The following ZBTB16 variants were observed in gnomAD, a reference collection of about 807,000 sequenced individuals.
ZBTB16 encodes the protein zinc finger and BTB domain containing 16.
In ZBTB16, 8 loss-of-function variants were observed where a neutral mutation model predicts 56.8. That is an observed-to-expected ratio of 0.14 (90% CI 0.08 to 0.25). The LOEUF (loss-of-function observed/expected upper bound fraction) is 0.25. Among genes scored for constraint, ZBTB16 ranks in the 10% least tolerant of loss-of-function variants. The pLI is 1.00. For missense variants in ZBTB16, 625 were observed against 903.0 expected, an observed-to-expected ratio of 0.69 and a Z score of 3.95; for synonymous variants, 363 against 368.5, an observed-to-expected ratio of 0.98 and a Z score of 0.17.
Position 114,254,231 on chromosome 11 carries a change from G to A in ZBTB16, c.*3676G>A, listed in dbSNP as rs1234577516. Among the ~76,000 whole-genome samples the A allele has an allele frequency of 1.3e-5, 2 of 151,920 alleles. No homozygotes were observed. The highest frequency in any genetic ancestry group is 2.9e-5 in the Non-Finnish European group (2 of 67,998). On this transcript the variant is annotated 3_prime_UTR_variant, in exon 7 of 7. Transcript: ENST00000335953. Reference sequence around the variant, plus strand: ...TTGATATAAAATAGTAAATATCATTGCTGCTTTGGGCTGCTTTGGAGGAGG... The same window carrying A: ...TTGATATAAAATAGTAAATATCATTACTGCTTTGGGCTGCTTTGGAGGAGG...
intron 2 of ZBTB16, among the ~76,000 whole-genome samples, chr11:114,078,172 A>C (rs138776144): frequency 1.0e-3 from 154 of 152,280 alleles, no homozygotes; most frequent in African/African-American, 3.4e-3. Flanking sequence ...GCCCTCACCT[A>C]CTTTTCTCCT....
intron 2 of ZBTB16, among the ~76,000 whole-genome samples, chr11:114,126,795 C>T (rs2137816684): frequency 6.6e-6 from 1 of 152,266 alleles, no homozygotes; most frequent in South Asian, 2.1e-4. Flanking sequence ...CACTCATGGC[C>T]TGAGGACCCA....
intron 2 of ZBTB16, among the ~76,000 whole-genome samples, chr11:114,116,638 T>C (rs560278334): frequency 3.9e-5 from 6 of 152,286 alleles, no homozygotes; most frequent in African/African-American, 1.2e-4. Flanking sequence ...TGTGTTTGGC[T>C]CTGTTGGAGA....
intron 3 of ZBTB16, among the ~76,000 whole-genome samples, chr11:114,171,771 A>T (rs1942975365): frequency 6.6e-6 from 1 of 152,184 alleles, no homozygotes; most frequent in African/African-American, 2.4e-5. Context: ...ACTTTATCTC[A>T]GTCTCTGGCA....
intron 3 of ZBTB16, among the ~76,000 whole-genome samples, chr11:114,179,039 T>C (rs1254399861): frequency 1.3e-5 from 2 of 152,146 alleles, no homozygotes; most frequent in Non-Finnish European, 2.9e-5. Flanking sequence ...TCATTCACCC[T>C]CCCATCTTGT....
intron 2 of ZBTB16, among the ~76,000 whole-genome samples, chr11:114,094,406 A>G (rs539177198): frequency 1.3e-5 from 2 of 152,362 alleles, no homozygotes; most frequent in Admixed American, 6.5e-5. Context: ...ATGTTGGTTC[A>G]TCTCAACATT....
rs369253795 is a variant in ZBTB16, at chr11:114,251,651, G to T, written c.*1096G>T. ...GAGAAAGTTGTTGAGTCACACTGGGGACCCCAGATGTAGTGAGCTCAGCAA... is the reference window on the plus strand; with the variant it reads ...GAGAAAGTTGTTGAGTCACACTGGGTACCCCAGATGTAGTGAGCTCAGCAA... On this transcript the variant is annotated 3_prime_UTR_variant, in exon 7 of 7. Transcript: ENST00000335953. 1.4e-4 allele frequency among the ~76,000 whole-genome samples: 21 copies of T among 152,258 alleles called. No individual in the cohort carries two copies. The South Asian group carries it at 3.9e-3, about 29-fold the overall frequency.
intron 4 of ZBTB16, among the ~76,000 whole-genome samples, chr11:114,217,645 G>A (rs1169027181): frequency 6.6e-6 from 1 of 152,200 alleles, no homozygotes; most frequent in Non-Finnish European, 1.5e-5. Context: ...TTTGTGCCCA[G>A]AAGAGAAGTC....
At chr11:114,138,230 A>G (rs1017922508) in intron 2 of ZBTB16, among the ~76,000 whole-genome samples, 9 of 152,142 alleles carry the variant, frequency 5.9e-5, no homozygotes, top group East Asian at 3.9e-4. Context: ...TAGCATTCAT[A>G]TTATTCATAT....
Position 114,217,909 on chromosome 11 carries a change from G to A in ZBTB16, c.1454-24258G>A, listed in dbSNP as rs1362472182. ...GGCTTCTCAGAGGCGGATTCTCAAGGTATGGCCTGGTGTGGGGATCCCTGC... is the reference window on the plus strand; with the variant it reads ...GGCTTCTCAGAGGCGGATTCTCAAGATATGGCCTGGTGTGGGGATCCCTGC... On this transcript the variant is annotated intron_variant, in intron 4 of 6. Coordinates refer to ENST00000335953, the MANE Select transcript of ZBTB16 (RefSeq NM_006006.6). Among the ~76,000 whole-genome samples, 5 of 152,322 alleles carry A rather than the reference G, an allele frequency of 3.3e-5. No individual in the cohort carries two copies. In the East Asian group the frequency reaches 5.8e-4, roughly 18 times the overall value.
At chr11:114,215,049 A>G (rs1011694002) in intron 4 of ZBTB16, among the ~76,000 whole-genome samples, 4 of 151,166 alleles carry the variant, frequency 2.6e-5, no homozygotes, top group South Asian at 2.1e-4. Context: ...TTCTGGATCT[A>G]TGAGGTTAAC....
rs548333460 is a variant in ZBTB16 at position 114,206,210 on chromosome 11, C to T, written c.1453+19172C>T. ...GCCCAGTGTTGGGGTGTTTTCACAT[C>T]GGGAGACACTAATTAGGGGTCCTAG... is the stretch of plus-strand genomic sequence containing the variant. On this transcript the variant is annotated intron_variant, in intron 4 of 6. Coordinates refer to ENST00000335953, the MANE Select transcript of ZBTB16 (RefSeq NM_006006.6). Among the ~76,000 whole-genome samples the T allele has an allele frequency of 3.0e-3, 452 of 152,248 alleles. 3 individuals carry two copies. The highest frequency in any genetic ancestry group is 0.01 in the African/African-American group (432 of 41,538).
Position 114,250,474 on chromosome 11 carries a change from G to A in ZBTB16, c.1941G>A (p.Lys647=). ...GCCCCAGCCTCTCCTCCATGCAGAA[G>A]CACATGAAGGGCCACAAGCCCGAGG... The part of the protein sequence containing the change: ...EYCPSLSSMQ[K]HMKGHKPEEI... The change falls in exon 7 of 7, where the codon AAG becomes AAA. Residue 647 remains lysine, a synonymous_variant. Transcript: ENST00000335953. The surrounding 1 kb of genome is among the most constrained non-coding windows in gnomAD (Gnocchi z 6.0). The A allele has an allele frequency of 6.2e-7, 1 of 1,614,144 alleles. No homozygotes were observed. Among genetic ancestry groups the A allele is most frequent in the Non-Finnish European group, 8.5e-7 (1 of 1,180,032 alleles).
chr11:114,183,129 G>A (rs1253819199), intron 3 of ZBTB16, among the ~76,000 whole-genome samples: 1 of 152,172 alleles, frequency 6.6e-6, no homozygotes, highest in Non-Finnish European at 1.5e-5. Context: ...CTGTCCGGGT[G>A]GGCGTGGGAG....
chr11:114,204,441 C>T (rs1943807289), intron 4 of ZBTB16, among the ~76,000 whole-genome samples: 1 of 152,158 alleles, frequency 6.6e-6, no homozygotes, highest in Non-Finnish European at 1.5e-5. Context: ...CACCCGGTCT[C>T]ATTTTTCTTT....
chr11:114,169,475 G>A (rs1386855420), intron 3 of ZBTB16, among the ~76,000 whole-genome samples: 1 of 152,200 alleles, frequency 6.6e-6, no homozygotes, highest in Non-Finnish European at 1.5e-5. Context: ...TGAAGGTTGA[G>A]CAGCAGAGAA....
intron 5 of ZBTB16, among the ~76,000 whole-genome samples, chr11:114,244,200 G>A (rs1165334149): frequency 6.6e-6 from 1 of 152,080 alleles, no homozygotes; most frequent in Non-Finnish European, 1.5e-5. Flanking sequence ...TGGCATTGAT[G>A]GATCCCTGAT....
intron 4 of ZBTB16, among the ~76,000 whole-genome samples, chr11:114,228,353 G>A (rs999894558): frequency 1.3e-5 from 2 of 152,184 alleles, no homozygotes; most frequent in African/African-American, 4.8e-5. Context: ...GAAAATACCT[G>A]TAAAGTCTAC....
chr11:114,230,645 G>GGGA (rs1375612792), intron 4 of ZBTB16, among the ~76,000 whole-genome samples: 54 of 114,400 alleles, frequency 4.7e-4, no homozygotes, highest in South Asian at 8.4e-4. Flanking sequence ...GGGGGGGCGG[G>GGGA]AAGGAGAGGA....
Sources: allele counts gnomAD v4.1 joint callset (sites outside exome capture counted in the v4.1 genomes callset), GRCh38; gene constraint gnomAD v4.1.1; non-coding constraint Gnocchi (gnomAD v3.1); transcripts MANE v1.5; gene names NCBI Gene and HGNC (gene_info 2026-07-23, HGNC 2026-07-21).